Variants in C4orf50 observed in about 807,000 individuals in gnomAD.
The protein encoded by C4orf50 is chromosome 4 open reading frame 50.
A neutral mutation model predicts 77.2 loss-of-function variants in C4orf50; 80 were observed. The observed-to-expected ratio is 1.04, with a 90% CI of 0.87 to 1.25. The LOEUF is 1.25. Ranked by LOEUF, C4orf50 falls within the 50% of genes most tolerant of loss-of-function variation. The pLI is 0.00. For synonymous variants in C4orf50, 532 were observed against 465.3 expected (o/e 1.14, Z -1.84); for missense variants, 1,257 against 1,152.9 (o/e 1.09, Z -1.31).
intron 28 of C4orf50, among the ~76,000 whole-genome samples, chr4:5,988,136 A>G (rs573328439): frequency 6.6e-6 from 1 of 152,290 alleles, no homozygotes; most frequent in Non-Finnish European, 1.5e-5. Flanking sequence ...CAGAGCACCC[A>G]GGTGTGAGTC....
chr4:5,966,511 A>G (rs6841797), intron 32 of C4orf50, among the ~76,000 whole-genome samples: 1 of 148,498 alleles, frequency 6.7e-6, no homozygotes, highest in East Asian at 2.0e-4. Flanking sequence ...TAGCAGAATT[A>G]AAAAAAAAAA....
intron 7 of C4orf50, among the ~76,000 whole-genome samples, chr4:5,944,990 G>A (rs1371854325): frequency 6.6e-6 from 1 of 152,124 alleles, no homozygotes; most frequent in Non-Finnish European, 1.5e-5. Flanking sequence ...CCTGCTCCAG[G>A]TCTTGTAGCT....
chr4:5,989,491 G>C (rs966106642), exon 28 of C4orf50: 13 of 1,536,084 alleles, frequency 8.5e-6, no homozygotes, highest in Middle Eastern at 1.7e-4. Context: ...CTGAGAGTGA[G>C]CTCTCTCCCA....
intron 7 of C4orf50, among the ~76,000 whole-genome samples, chr4:5,941,742 C>A (rs549320205): frequency 6.6e-6 from 1 of 152,002 alleles, no homozygotes; most frequent in Non-Finnish European, 1.5e-5. Flanking sequence ...CCCCATTGTA[C>A]GGAGGAGGCT....
At position 6,009,539 on chromosome 4, in the gene C4orf50, G is replaced by A. The variant is rs148315972; in HGVS notation, c.427-1007C>T. Among the ~76,000 whole-genome samples, 282 of 152,270 alleles carry A rather than the reference G, an allele frequency of 1.9e-3. No individual in the cohort carries two copies. Among genetic ancestry groups the A allele is most frequent in the African/African-American group, 6.4e-3 (266 of 41,546 alleles). On this transcript the variant is annotated intron_variant, in intron 24 of 33. Coordinates refer to ENST00000531445, the Ensembl canonical transcript of C4orf50. This position sits in a 1 kb window ranked among gnomAD's most constrained non-coding sequence, Gnocchi z 5.6. Reference sequence around the variant, plus strand: ...CAATTCTCCTGGTCTTCCTGAAGGCGTGTATTCTGTAATGATCTTTGCATG... The same window carrying A: ...CAATTCTCCTGGTCTTCCTGAAGGCATGTATTCTGTAATGATCTTTGCATG...
Position 5,989,040 on chromosome 4 carries a change from GT to G in C4orf50, c.3005del (p.Asp1002AlafsTer23). On this transcript the variant is annotated frameshift_variant, in exon 28 of 34. Coordinates refer to ENST00000531445, the Ensembl canonical transcript of C4orf50. LOFTEE classifies it high-confidence loss of function. ...AACTCTTCCCATTGCAGTCTTCAAG[GT>G]CAGAGATTGCCTGTAAATATTGATC... is the stretch of plus-strand genomic sequence containing the variant. 6.5e-7 allele frequency: 1 copy of G among 1,535,984 alleles called. No homozygotes were observed. Among genetic ancestry groups the G allele is most frequent in the South Asian group, 1.2e-5 (1 of 84,040 alleles).
chr4:5,948,777 A>C (rs1305897795), intron 7 of C4orf50, among the ~76,000 whole-genome samples: 1 of 149,706 alleles, frequency 6.7e-6, no homozygotes, highest in African/African-American at 2.5e-5. Context: ...CTGGTGACAA[A>C]GTGAGACACC....
At chr4:5,953,014 C>T (rs953270920), downstream of C4orf50, among the ~76,000 whole-genome samples, 2 of 152,204 alleles carry the variant, frequency 1.3e-5, no homozygotes, top group South Asian at 2.1e-4. Flanking sequence ...GCACTATTTT[C>T]GGGTGGCTGC....
At chr4:6,012,743 C>G (rs540450928) in intron 23 of C4orf50, among the ~76,000 whole-genome samples, 1 of 152,054 alleles carries the variant, frequency 6.6e-6, no homozygotes, top group Non-Finnish European at 1.5e-5. Context: ...CACGCAGGGT[C>G]GGGGGAGAAA....
chr4:5,948,812 T>C (rs1240943821), intron 7 of C4orf50, among the ~76,000 whole-genome samples: 1 of 142,132 alleles, frequency 7.0e-6, no homozygotes, highest in Non-Finnish European at 1.5e-5. Context: ...AAAAAAAAAA[T>C]TAGCCAGGCG....
intron 32 of C4orf50, among the ~76,000 whole-genome samples, chr4:5,966,109 T>C (rs1008413427): frequency 2.6e-5 from 4 of 152,210 alleles, no homozygotes; most frequent in Admixed American, 6.5e-5. Flanking sequence ...CCCAAAACTA[T>C]TGAAATAAAA....
Position 5,904,719 on chromosome 4 carries a change from CCTT to C in C4orf50, c.*2475-6534_*2475-6532del, listed in dbSNP as rs1178841086. ...TTGCAAATCTGATGAAATCCATGCT[CCTT>C]CTCCCTAGGAAAGAGTTCACATGCA... On this transcript the variant is annotated intron_variant, in intron 7 of 7. Transcript: ENST00000324058. 1.1e-4 allele frequency: 17 copies of C among 152,304 alleles called. 1 individual carries two copies. Among genetic ancestry groups the C allele is most frequent in the Admixed American group, 2.6e-4 (4 of 15,306 alleles). 9.4% of individuals were successfully genotyped at this position (152,304 alleles called of 1,614,324 possible). A position where few individuals can be genotyped will look rare whatever the true frequency, so the allele number is the denominator to read the frequency against.
chr4:5,926,501 T>C (rs529274975), intron 7 of C4orf50, among the ~76,000 whole-genome samples: 1 of 152,188 alleles, frequency 6.6e-6, no homozygotes, highest in African/African-American at 2.4e-5. Context: ...TTTAGGACGA[T>C]GAAAACGTTC....
chr4:5,927,594 G>C (rs116603965), intron 7 of C4orf50, among the ~76,000 whole-genome samples: 3,517 of 151,862 alleles, frequency 0.023, 112 homozygotes, highest in African/African-American at 0.071. Flanking sequence ...GAGATCTGAT[G>C]GTTTGAAAGT....
At chr4:6,004,051 A>AC (rs1722031646) in intron 25 of C4orf50, among the ~76,000 whole-genome samples, 1 of 51,720 alleles carries the variant, frequency 1.9e-5, no homozygotes, top group Non-Finnish European at 4.1e-5. Flanking sequence ...GGTGATGGTG[A>AC]TGATGGTGAT....
At position 6,008,188 on chromosome 4, in the gene C4orf50, C is replaced by T; in HGVS notation, c.771G>A (p.Ala257=). The change falls in exon 25 of 34, where the codon GCG becomes GCA. Residue 257 remains alanine (A), a synonymous_variant. Coordinates refer to ENST00000531445, the Ensembl canonical transcript of C4orf50. The surrounding 1 kb of genome is among the most constrained non-coding windows in gnomAD (Gnocchi z 6.0). ...CCCGGTGCTCCTGCAGGCTGCGCGC[C>T]GCCTCTTCCCGCTCGCGCTCGCTGC... 5.0e-6 allele frequency: 2 copies of T among 398,192 alleles called. No homozygotes were observed. Among genetic ancestry groups the T allele is most frequent in the Middle Eastern group, 6.3e-4 (1 of 1,584 alleles). 24.7% of individuals were successfully genotyped at this position (398,192 alleles called of 1,614,324 possible). A position where few individuals can be genotyped will look rare whatever the true frequency, so the allele number is the denominator to read the frequency against.
exon 28 of C4orf50, chr4:5,989,522 C>T: frequency 6.5e-7 from 1 of 1,536,150 alleles, no homozygotes; most frequent in Non-Finnish European, 8.7e-7. Context: ...CACTTCTGAG[C>T]AAAGCTCCAG....
intron 7 of C4orf50, among the ~76,000 whole-genome samples, chr4:5,941,447 C>T (rs1718261643): frequency 6.6e-6 from 1 of 152,202 alleles, no homozygotes; most frequent in Non-Finnish European, 1.5e-5. Context: ...TCTACCATCT[C>T]ATCCCCCAAC....
chr4:5,994,564 A>C (rs1721474735), intron 25 of C4orf50, 88 bp from the exon 4 acceptor site: 1 of 398,320 alleles, frequency 2.5e-6, no homozygotes, highest in Non-Finnish European at 4.4e-6. Context: ...CCTCCCCAGA[A>C]GGGAGCTTGA....
Sources: gnomAD v4.1 joint callset for allele counts (sites outside exome capture counted in the v4.1 genomes callset) on GRCh38, gnomAD v4.1.1 for gene constraint, Gnocchi (gnomAD v3.1) non-coding constraint, MANE v1.5 for transcripts, NCBI Gene and HGNC (gene_info 2026-07-23, HGNC 2026-07-21) for gene names.